The following CSNK1G1 variants were observed in gnomAD, a reference collection of about 807,000 sequenced individuals.
CSNK1G1 encodes casein kinase I isoform gamma-1.
CSNK1G1 carries 22 observed loss-of-function variants against 59.6 expected under a neutral mutation model. The ratio of observed to expected loss-of-function variants is 0.37; its 90% CI spans 0.26 to 0.53. CSNK1G1 has a LOEUF of 0.53. Among genes scored for constraint, CSNK1G1 ranks in the 20% least tolerant of loss-of-function variants. The probability of loss-of-function intolerance (pLI) is 0.89; values close to 1 mark genes in which losing one functional copy is unlikely to be tolerated. For synonymous variants in CSNK1G1, 179 were observed against 177.1 expected (o/e 1.01, Z -0.08); for missense variants, 384 against 519.5 (o/e 0.74, Z 2.54).
intron 4 of CSNK1G1, among the ~76,000 whole-genome samples, chr15:64,242,978 G>A (rs62021599): frequency 0.19 from 29,227 of 151,840 alleles, 3,890 homozygotes; most frequent in African/African-American, 0.38. Context: ...GGACAAAACC[G>A]TATGATCATC....
intron 7 of CSNK1G1, among the ~76,000 whole-genome samples, chr15:64,205,652 T>C (rs928930286): frequency 6.6e-6 from 1 of 152,038 alleles, no homozygotes; most frequent in Non-Finnish European, 1.5e-5. Context: ...CTGAAGTAAA[T>C]AGGAGAAATT....
At chr15:64,280,531 T>G (rs911580765) in intron 2 of CSNK1G1, among the ~76,000 whole-genome samples, 2 of 152,024 alleles carry the variant, frequency 1.3e-5, no homozygotes, top group Admixed American at 1.3e-4. Context: ...CGGCTAATTT[T>G]TTGTATTTTT....
chr15:64,229,712 T>C (rs2140289037), intron 4 of CSNK1G1, among the ~76,000 whole-genome samples: 1 of 152,144 alleles, frequency 6.6e-6, no homozygotes, highest in Admixed American at 6.5e-5. Context: ...TTATTAGTCC[T>C]GTATCTGGAT....
At chr15:64,306,817 T>C (rs1895706776) in intron 1 of CSNK1G1, among the ~76,000 whole-genome samples, 1 of 152,116 alleles carries the variant, frequency 6.6e-6, no homozygotes, top group Non-Finnish European at 1.5e-5. Flanking sequence ...AAATGAATTA[T>C]TGAAAGCTAC....
intron 1 of CSNK1G1, among the ~76,000 whole-genome samples, chr15:64,310,709 A>G (rs1260634883): frequency 6.6e-6 from 1 of 151,804 alleles, no homozygotes. Context: ...ACTCTGTCTC[A>G]AAAAAAAGGA....
intron 2 of CSNK1G1, among the ~76,000 whole-genome samples, chr15:64,273,730 T>TTA (rs1463387196): frequency 1.8e-5 from 2 of 108,978 alleles, no homozygotes; most frequent in Non-Finnish European, 4.0e-5. Context: ...GCTGATGAGC[T>TTA]AAAAAAAAAA....
rs1489826565 is a variant in CSNK1G1, at chr15:64,332,226, T to C, written c.-225+23762A>G. On this transcript the variant is annotated intron_variant, in intron 1 of 11. Transcript: ENST00000303052. Reference sequence around the variant, plus strand: ...GCTGCTATAAAGACACATGCACACGTATGTTTATTGCGGCATTATTCACAA... The same window carrying C: ...GCTGCTATAAAGACACATGCACACGCATGTTTATTGCGGCATTATTCACAA... Among the ~76,000 whole-genome samples, 723 of 99,290 alleles carry C rather than the reference T, an allele frequency of 7.3e-3. 14 individuals carry two copies. The highest frequency in any genetic ancestry group is 0.025 in the African/African-American group (680 of 26,780). 65.1% of individuals were successfully genotyped at this position (99,290 alleles called of 152,430 possible). A position where few individuals can be genotyped will look rare whatever the true frequency, so the allele number is the denominator to read the frequency against.
intron 2 of CSNK1G1, among the ~76,000 whole-genome samples, chr15:64,280,068 CT>C (rs1894039670): frequency 1.3e-5 from 2 of 151,750 alleles, no homozygotes; most frequent in South Asian, 4.1e-4. Flanking sequence ...AGGACATGAC[CT>C]AGTTTTACTA....
intron 10 of CSNK1G1, among the ~76,000 whole-genome samples, chr15:64,197,168 A>G (rs1220906564): frequency 6.6e-6 from 1 of 152,244 alleles, no homozygotes; most frequent in Non-Finnish European, 1.5e-5. Flanking sequence ...TCCTATGGCC[A>G]AAGTTTTGGG....
chr15:64,278,951 AG>A (rs2140363717), intron 2 of CSNK1G1, among the ~76,000 whole-genome samples: 1 of 152,274 alleles, frequency 6.6e-6, no homozygotes, highest in South Asian at 2.1e-4. Context: ...AATTTCCTAA[AG>A]GGTCTGGCAC....
At chr15:64,334,456 C>T (rs574622973) in intron 1 of CSNK1G1, among the ~76,000 whole-genome samples, 1 of 152,244 alleles carries the variant, frequency 6.6e-6, no homozygotes, top group African/African-American at 2.4e-5. Context: ...ATTTATTATG[C>T]ACTTAATTTC....
At chr15:64,298,857 C>A (rs1474686105) in intron 2 of CSNK1G1, among the ~76,000 whole-genome samples, 1 of 150,902 alleles carries the variant, frequency 6.6e-6, no homozygotes, top group Non-Finnish European at 1.5e-5. Flanking sequence ...ATGGCAAGAG[C>A]CCGTCTCCAC....
In CSNK1G1 at chr15:64,176,412, A is replaced by T. The variant is rs1450511306; in HGVS notation, c.1214+3936T>A. ...AAACATGCAGTATGTGTCTGTGTTT[A>T]GTTTCTTCTTCTGTCAAGGTAGGCT... On this transcript the variant is annotated intron_variant, in intron 11 of 11. Transcript: ENST00000303052. This position sits in a 1 kb window ranked among gnomAD's most constrained non-coding sequence, Gnocchi z 5.2. 3 of 396,668 alleles carry T rather than the reference A, an allele frequency of 7.6e-6. No homozygotes were observed. Among genetic ancestry groups the T allele is most frequent in the Non-Finnish European group, 1.3e-5 (3 of 225,242 alleles). 24.6% of individuals were successfully genotyped at this position (396,668 alleles called of 1,614,324 possible). A position where few individuals can be genotyped will look rare whatever the true frequency, so the allele number is the denominator to read the frequency against.
rs774188538 is a variant in CSNK1G1 at position 64,300,511 on chromosome 15, A to G, written c.-12T>C. 2 of 1,613,254 alleles carry G rather than the reference A, an allele frequency of 1.2e-6. No individual in the cohort carries two copies. Among genetic ancestry groups the G allele is most frequent in the South Asian group, 2.2e-5 (2 of 91,000 alleles). ...CTAGGATGGTCCATGATCCTACAGG[A>G]CAGAGTCTCCTATAGTACAGCAAGT... On this transcript the variant is annotated 5_prime_UTR_variant, in exon 2 of 12. Transcript: ENST00000303052.
At chr15:64,259,150 T>C (rs1339524251) in intron 3 of CSNK1G1, 51 bp downstream of exon 3, 1 of 1,449,802 alleles carries the variant, frequency 6.9e-7, no homozygotes, top group Non-Finnish European at 9.5e-7. Flanking sequence ...TAAAAAGATA[T>C]AAGCAATGGG....
intron 1 of CSNK1G1, among the ~76,000 whole-genome samples, chr15:64,302,885 A>T (rs1385748342): frequency 6.6e-6 from 1 of 152,160 alleles, no homozygotes; most frequent in African/African-American, 2.4e-5. Flanking sequence ...ATTTCTCTTC[A>T]TATTTTTCAT....
chr15:64,238,494 T>TAA (rs1169739046), intron 4 of CSNK1G1, among the ~76,000 whole-genome samples: 160 of 56,404 alleles, frequency 2.8e-3, no homozygotes, highest in African/African-American at 6.0e-3. Flanking sequence ...CCCTGTCCCT[T>TAA]AAAAAAAAAA....
intron 2 of CSNK1G1, among the ~76,000 whole-genome samples, chr15:64,267,595 CGAAACCACAATGA>C (rs952416336): frequency 2.0e-5 from 3 of 151,950 alleles, no homozygotes; most frequent in African/African-American, 7.3e-5. Flanking sequence ...GAAATCAAGT[CGAAACCACAATGA>C]GAAACCACCT....
Position 64,251,501 on chromosome 15 carries a change from A to C in CSNK1G1, c.292+11T>G. 1 of 1,594,320 alleles carries C rather than the reference A, an allele frequency of 6.3e-7. No individual in the cohort carries two copies. The highest frequency in any genetic ancestry group is 8.6e-7 in the Non-Finnish European group (1 of 1,164,488). ...CATACTAAGTAAGTGGAGAGAAAAG[A>C]CTTGACTTACCTGCACTGCCAAGCT... is the stretch of plus-strand genomic sequence containing the variant. On this transcript the variant is annotated intron_variant, in intron 4 of 11. Transcript: ENST00000303052.
Sources: allele counts gnomAD v4.1 joint callset (sites outside exome capture counted in the v4.1 genomes callset), GRCh38; gene constraint gnomAD v4.1.1; non-coding constraint Gnocchi (gnomAD v3.1); transcripts MANE v1.5; gene names NCBI Gene and HGNC (gene_info 2026-07-23, HGNC 2026-07-21).